The following EBF2 variants were observed in gnomAD, a reference collection of about 807,000 sequenced individuals.
EBF2 encodes transcription factor COE2.
EBF2 carries 21 observed loss-of-function variants against 72.8 expected under a neutral mutation model. That is an observed-to-expected ratio of 0.29 (90% confidence interval 0.20 to 0.42). The LOEUF (loss-of-function observed/expected upper bound fraction) is 0.42. EBF2 is among the 10% of genes least tolerant of loss of function. The pLI is 1.00. For missense variants in EBF2, 637 were observed against 731.2 expected, an observed-to-expected ratio of 0.87 and a Z score of 1.49; for synonymous variants, 299 against 274.2, an observed-to-expected ratio of 1.09 and a Z score of -0.89.
At chr8:25,889,634 ACCC>A (rs1306277704) in intron 8 of EBF2, 115 bp downstream of exon 8, 57 of 765,830 alleles carry the variant, frequency 7.4e-5, no homozygotes, top group Non-Finnish European at 1.0e-4. Context: ...AAAAAAAAAA[ACCC>A]ACATTGTTCT....
rs71551838 is a variant in EBF2 at position 25,928,782 on chromosome 8, GA to G, written c.552-20228del. On this transcript the variant is annotated intron_variant, in intron 6 of 15. Coordinates refer to ENST00000520164, the MANE Select transcript of EBF2 (RefSeq NM_022659.4). Reference sequence around the variant, plus strand: ...ATTAATAATAAAATGATTTTTAAATGAAAAAAAAAAAAAAAAAAACCAGGGA... The same window carrying G: ...ATTAATAATAAAATGATTTTTAAATGAAAAAAAAAAAAAAAAAACCAGGGA... Among the ~76,000 whole-genome samples, 616 of 110,364 alleles carry G rather than the reference GA, an allele frequency of 5.6e-3. 2 individuals are homozygous for G. The highest frequency in any genetic ancestry group is 0.02 in the Middle Eastern group (3 of 152). 72.4% of individuals were successfully genotyped at this position (110,364 alleles called of 152,430 possible).
chr8:25,959,088 G>A (rs1803994294), intron 6 of EBF2, among the ~76,000 whole-genome samples: 1 of 152,148 alleles, frequency 6.6e-6, no homozygotes, highest in African/African-American at 2.4e-5. Flanking sequence ...TTCGTAAAGT[G>A]GAGGAATGGC....
At chr8:25,973,282 T>G (rs1804219448) in intron 6 of EBF2, among the ~76,000 whole-genome samples, 2 of 152,204 alleles carry the variant, frequency 1.3e-5, no homozygotes, top group South Asian at 4.1e-4. Context: ...TAAACTCTGA[T>G]TCCATCCTTT....
intron 6 of EBF2, among the ~76,000 whole-genome samples, chr8:26,011,327 C>A (rs1804978407): frequency 6.6e-6 from 1 of 152,184 alleles, no homozygotes. Context: ...GCGATAGCAG[C>A]GACCAATCAT....
At chr8:25,984,276 C>T (rs968519924) in intron 6 of EBF2, among the ~76,000 whole-genome samples, 1 of 152,150 alleles carries the variant, frequency 6.6e-6, no homozygotes, top group South Asian at 2.1e-4. Context: ...ATGTGAGTGT[C>T]AGATTAGCAC....
rs916828068 is a variant in EBF2 at position 25,939,851 on chromosome 8, G to C, written c.552-31296C>G. Among the ~76,000 whole-genome samples, 95 of 152,230 alleles carry C rather than the reference G, an allele frequency of 6.2e-4. 1 individual carries two copies. Among genetic ancestry groups the C allele is most frequent in the African/African-American group, 2.2e-3 (91 of 41,448 alleles). On this transcript the variant is annotated intron_variant, in intron 6 of 15. Transcript: ENST00000520164. ...AACAGAAATGAGGGCCAGTAGGTAG[G>C]ATTTACCAGGGAGCAGATCTGATTC... is the stretch of plus-strand genomic sequence containing the variant.
intron 6 of EBF2, among the ~76,000 whole-genome samples, chr8:26,012,749 G>A (rs150169688): frequency 2.0e-5 from 3 of 152,286 alleles, no homozygotes; most frequent in African/African-American, 7.2e-5. Flanking sequence ...GCACACAGAC[G>A]AAGAAAATGC....
chr8:25,948,636 G>A (rs1341728511), intron 6 of EBF2, among the ~76,000 whole-genome samples: 2 of 152,194 alleles, frequency 1.3e-5, no homozygotes, highest in African/African-American at 2.4e-5. Context: ...AGGGGCCTGA[G>A]GCCCTTCCCG....
chr8:25,851,498 A>G lies in EBF2; in HGVS notation c.1529-737T>C, dbSNP rs181927869. Among the ~76,000 whole-genome samples the G allele has an allele frequency of 2.4e-3, 360 of 152,308 alleles. 1 individual carries two copies. Among genetic ancestry groups the G allele is most frequent in the African/African-American group, 8.1e-3 (338 of 41,578 alleles). On this transcript the variant is annotated intron_variant, in intron 14 of 15. Transcript: ENST00000520164. ...AAGAAAAAATAAAAGCAATTTACAT[A>G]ATGAAGTACCCCACCTCTTAATGTC... is the stretch of plus-strand genomic sequence containing the variant.
Position 25,850,660 on chromosome 8 carries a change from G to A in EBF2, c.1630C>T (p.Pro544Ser). The A allele has an allele frequency of 1.3e-6, 2 of 1,563,778 alleles. No homozygotes were observed. The highest frequency in any genetic ancestry group is 2.4e-5 in the East Asian group (1 of 41,644). ...PAVKQKSAFAPVIRPQGSPSP... is the reference protein window; with the variant it reads ...PAVKQKSAFASVIRPQGSPSP... ...GGGGAGCCTTGGGGCCTGATGACAG[G>A]GGCAAAGGCACTCTTCTGTTTGACA... The change falls in exon 15 of 16, where the codon CCT becomes TCT. Residue 544 changes from proline (P) to serine (S), a missense_variant. This residue lies in a region of EBF2 where 259 missense variants were observed against 268.1 expected (regional missense o/e 0.97). Coordinates refer to ENST00000520164, the MANE Select transcript of EBF2 (RefSeq NM_022659.4).
At chr8:25,989,842 A>ACAG (rs1436026552) in intron 6 of EBF2, among the ~76,000 whole-genome samples, 3 of 152,316 alleles carry the variant, frequency 2.0e-5, no homozygotes, top group Non-Finnish European at 4.4e-5. Context: ...ATCAGAAGCA[A>ACAG]CAGCAGCAGC....
chr8:26,025,460 C>T (rs1204112430), intron 6 of EBF2, among the ~76,000 whole-genome samples: 36 of 152,148 alleles, frequency 2.4e-4, no homozygotes, highest in Admixed American at 2.0e-3. Context: ...CATTTATACA[C>T]GACTAAGGAT....
chr8:25,861,559 G>A (rs12679568), intron 11 of EBF2, among the ~76,000 whole-genome samples, 185 bp from the exon 12 acceptor site: 2,276 of 152,272 alleles, frequency 0.015, 115 homozygotes, highest in Admixed American at 0.092. Context: ...CTGTAAATAC[G>A]TATCTATCTG....
intron 6 of EBF2, among the ~76,000 whole-genome samples, chr8:25,943,330 A>AAAAGAAAGAAAG (rs1223677782): frequency 6.9e-6 from 1 of 144,974 alleles, no homozygotes; most frequent in African/African-American, 2.8e-5. Context: ...AAAAAAAAAA[A>AAAAGAAAGAAAG]AAAGAAAGAA....
intron 6 of EBF2, among the ~76,000 whole-genome samples, chr8:25,993,772 G>A (rs1804580907): frequency 6.6e-6 from 1 of 151,776 alleles, no homozygotes; most frequent in South Asian, 2.1e-4. Flanking sequence ...AGAAATGTAT[G>A]CAAATTTTAA....
At chr8:26,039,765 T>C (rs768537207) in intron 5 of EBF2, among the ~76,000 whole-genome samples, 11 of 152,168 alleles carry the variant, frequency 7.2e-5, no homozygotes, top group Non-Finnish European at 1.3e-4. Context: ...AAGGGCACAG[T>C]GGAGACTTTC....
chr8:25,868,646 T>G (rs1444440619), intron 10 of EBF2, among the ~76,000 whole-genome samples: 2 of 152,110 alleles, frequency 1.3e-5, no homozygotes, highest in African/African-American at 4.8e-5. Context: ...TGCCTAATTT[T>G]TGTATTTTTG....
At chr8:25,983,882 A>T (rs560786500) in intron 6 of EBF2, among the ~76,000 whole-genome samples, 1 of 152,350 alleles carries the variant, frequency 6.6e-6, no homozygotes, top group Admixed American at 6.5e-5. Flanking sequence ...TTATCCTTCC[A>T]CGTCAGTGGG....
At chr8:25,867,203 G>T (rs1482806467) in intron 10 of EBF2, among the ~76,000 whole-genome samples, 1 of 152,126 alleles carries the variant, frequency 6.6e-6, no homozygotes, top group East Asian at 1.9e-4. Context: ...TTGTGTGCAT[G>T]GCTCTGTCCA....
Sources: allele counts gnomAD v4.1 joint callset (sites outside exome capture counted in the v4.1 genomes callset), GRCh38; gene constraint gnomAD v4.1.1; regional missense constraint gnomAD v4.1.1; transcripts MANE v1.5; gene names NCBI Gene and HGNC (gene_info 2026-07-23, HGNC 2026-07-21).